ZNF609: variants seen among roughly 807,000 people sequenced by gnomAD.
ZNF609 encodes zinc finger protein 609.
In ZNF609, 11 loss-of-function variants were observed where a neutral mutation model predicts 109.5. That is an observed-to-expected ratio of 0.10 (90% CI 0.06 to 0.17). The LOEUF (loss-of-function observed/expected upper bound fraction) is 0.17. Among genes scored for constraint, ZNF609 ranks in the 10% least tolerant of loss-of-function variants. The pLI is 1.00. For missense variants in ZNF609, 1,559 were observed against 1,772.4 expected (o/e 0.88, Z 2.16); for synonymous variants, 646 against 662.0 (o/e 0.98, Z 0.37).
At chr15:64,582,726 T>TC (rs1361984641) in intron 2 of ZNF609, among the ~76,000 whole-genome samples, 1 of 132,098 alleles carries the variant, frequency 7.6e-6, no homozygotes, top group Non-Finnish European at 1.5e-5. Context: ...CTTTTTTCTT[T>TC]TTTTTTTTTT....
At chr15:64,486,967 A>G (rs1893342601) in intron 1 of ZNF609, among the ~76,000 whole-genome samples, 1 of 152,108 alleles carries the variant, frequency 6.6e-6, no homozygotes, top group Non-Finnish European at 1.5e-5. Flanking sequence ...GAATCATCCC[A>G]ATATAGTTAT....
At chr15:64,608,116 C>G (rs1008540629) in intron 2 of ZNF609, among the ~76,000 whole-genome samples, 1 of 151,324 alleles carries the variant, frequency 6.6e-6, no homozygotes, top group Non-Finnish European at 1.5e-5. Flanking sequence ...AGGCTAGTCT[C>G]GAACTCCTGA....
chr15:64,679,535 G>T (rs1413284966), intron 6 of ZNF609, among the ~76,000 whole-genome samples: 1 of 152,054 alleles, frequency 6.6e-6, no homozygotes, highest in South Asian at 2.1e-4. Context: ...TCAACATTCT[G>T]GTGACATTAT....
rs756293391 is a variant in ZNF609, at chr15:64,622,918, T to A, written c.839T>A (p.Ile280Asn). ...GACATCTCATCTCCCTGTGAGCAGA[T>A]CATGGTTCGTACCCGATCAGTTGGG... ...NNDISSPCEQ[I>N]MVRTRSVGVN... Residue 280 changes from isoleucine to asparagine, a missense_variant, in exon 3 of 10, where the codon ATC becomes AAC. By Grantham distance (149) the Ile-to-Asn change is moderately radical. Around this residue, in one of 4 missense-constraint regions of ZNF609, gnomAD observed 291 missense variants for 317.8 expected, o/e 0.92. Coordinates refer to ENST00000326648, the MANE Select transcript of ZNF609 (RefSeq NM_015042.2). The A allele has an allele frequency of 1.2e-6, 2 of 1,614,208 alleles. No individual in the cohort carries two copies. Among genetic ancestry groups the A allele is most frequent in the Non-Finnish European group, 1.7e-6 (2 of 1,180,000 alleles).
intron 2 of ZNF609, among the ~76,000 whole-genome samples, chr15:64,570,516 T>G (rs192123502): frequency 6.6e-6 from 1 of 152,226 alleles, no homozygotes; most frequent in Admixed American, 6.5e-5. Flanking sequence ...AGTAGATGAG[T>G]CTGGAAAGTG....
chr15:64,506,568 A>G (rs1336574277), intron 2 of ZNF609, among the ~76,000 whole-genome samples: 2 of 151,698 alleles, frequency 1.3e-5, no homozygotes, highest in East Asian at 3.9e-4. Context: ...TAAAAATACA[A>G]AATTAGTCGG....
intron 2 of ZNF609, among the ~76,000 whole-genome samples, chr15:64,523,762 CAAA>C (rs565073455): frequency 7.9e-6 from 1 of 125,792 alleles, no homozygotes; most frequent in African/African-American, 3.0e-5. Context: ...GACTCCATCT[CAAA>C]AAAAAAAAAG....
upstream of ZNF609, among the ~76,000 whole-genome samples, chr15:64,460,148 C>A (rs967117369): frequency 5.9e-5 from 9 of 152,068 alleles, no homozygotes; most frequent in African/African-American, 2.2e-4. Flanking sequence ...GATTGCTCTT[C>A]TGTTCTTTGT....
At chr15:64,535,840 A>G (rs1192507138) in intron 2 of ZNF609, among the ~76,000 whole-genome samples, 1 of 152,078 alleles carries the variant, frequency 6.6e-6, no homozygotes, top group African/African-American at 2.4e-5. Flanking sequence ...TGGTACCTCA[A>G]TGTGGTTTTA....
rs1894996958 is a variant in ZNF609, at chr15:64,577,230, A to AATATATAT, written c.748-45594_748-45593insTATATATA. On this transcript the variant is annotated intron_variant, in intron 2 of 9. Transcript: ENST00000326648. ...ATATATATGTATATATATACACACA[A>AATATATAT]ATACATACATATATATGTATATATA... Among the ~76,000 whole-genome samples the AATATATAT allele has an allele frequency of 2.0e-4, 3 of 14,702 alleles. 1 individual carries two copies. The highest frequency in any genetic ancestry group is 2.4e-4 in the African/African-American group (3 of 12,346). The allele number at this position is 14,702 out of a possible 152,430, so 9.6% of individuals were successfully genotyped here.
intron 2 of ZNF609, chr15:64,528,660 A>G: frequency 9.0e-7 from 1 of 1,112,770 alleles, no homozygotes; most frequent in South Asian, 1.3e-5. Flanking sequence ...CTGGTGGTCC[A>G]GGGGTCTTAC....
At chr15:64,680,130 C>G in intron 6 of ZNF609, 55 bp from the exon 7 acceptor site, 3 of 1,587,070 alleles carry the variant, frequency 1.9e-6, no homozygotes, top group Non-Finnish European at 2.6e-6. Context: ...CTCACTAAAG[C>G]AGAGTTTCCT....
intron 2 of ZNF609, chr15:64,529,287 G>A (rs1458986450): frequency 5.6e-6 from 4 of 715,886 alleles, no homozygotes; most frequent in Non-Finnish European, 1.0e-5. Context: ...AAACATGGGG[G>A]CATCAACAGA....
At chr15:64,562,707 A>C (rs1894698861) in intron 2 of ZNF609, among the ~76,000 whole-genome samples, 1 of 149,966 alleles carries the variant, frequency 6.7e-6, no homozygotes, top group South Asian at 2.1e-4. Context: ...TGTCGTAATT[A>C]AACTATAGCC....
chr15:64,480,933 A>G (rs1164818387), intron 1 of ZNF609, among the ~76,000 whole-genome samples: 1 of 152,200 alleles, frequency 6.6e-6, no homozygotes, highest in East Asian at 1.9e-4. Context: ...ACTCCCGACA[A>G]TTGGCAGTTT....
chr15:64,629,379 G>C (rs772363199), intron 3 of ZNF609, among the ~76,000 whole-genome samples: 1 of 152,202 alleles, frequency 6.6e-6, no homozygotes, highest in East Asian at 1.9e-4. Context: ...GCTTGGAGAA[G>C]AAATGAAACT....
chr15:64,678,536 C>T, intron 6 of ZNF609, 54 bp downstream of exon 6: 1 of 1,516,636 alleles, frequency 6.6e-7, no homozygotes, highest in East Asian at 2.3e-5. Flanking sequence ...GAATGAAGCA[C>T]AGATTTCACA....
intron 1 of ZNF609, among the ~76,000 whole-genome samples, chr15:64,492,310 C>G (rs1893424865): frequency 6.6e-6 from 1 of 152,134 alleles, no homozygotes; most frequent in Non-Finnish European, 1.5e-5. Context: ...ACCCTAATCA[C>G]TGAGTTCATG....
chr15:64,528,052 G>T (rs1235083558), intron 2 of ZNF609, among the ~76,000 whole-genome samples: 1 of 151,722 alleles, frequency 6.6e-6, no homozygotes, highest in East Asian at 1.9e-4. Context: ...TTATATAGGG[G>T]TTAATAGCAC....
Sources: gnomAD v4.1 joint callset for allele counts (sites outside exome capture counted in the v4.1 genomes callset) on GRCh38, gnomAD v4.1.1 for gene constraint, gnomAD v4.1.1 regional missense constraint, MANE v1.5 for transcripts, NCBI Gene and HGNC (gene_info 2026-07-23, HGNC 2026-07-21) for gene names.